ALG6: variants seen among roughly 807,000 people sequenced by gnomAD.
ALG6 encodes dolichyl pyrophosphate Man9GlcNAc2 alpha-1,3-glucosyltransferase.
In ALG6, 46 loss-of-function variants were observed where a neutral mutation model predicts 66.6. The ratio of observed to expected loss-of-function variants is 0.69; its 90% CI spans 0.55 to 0.88. ALG6 has a LOEUF of 0.88. Ranked by LOEUF, ALG6 falls within the 40% of genes least tolerant of loss-of-function variation. The pLI is 0.00. For synonymous variants in ALG6, 185 were observed against 203.7 expected, an observed-to-expected ratio of 0.91 and a Z score of 0.78; for missense variants, 505 against 586.8, an observed-to-expected ratio of 0.86 and a Z score of 1.44.
At chr1:63,379,724 T>C (rs1242628022) in intron 2 of ALG6, among the ~76,000 whole-genome samples, 1 of 150,118 alleles carries the variant, frequency 6.7e-6, no homozygotes, top group African/African-American at 2.4e-5. Context: ...GTAGGATACG[T>C]AATACTATAT....
chr1:63,413,541 C>T, intron 9 of ALG6: 22 of 152,910 alleles, frequency 1.4e-4, no homozygotes, highest in South Asian at 6.2e-4. Flanking sequence ...GATTTCACCA[C>T]CAGGAGAGCT....
chr1:63,389,945 C>G (rs76119395), intron 2 of ALG6, among the ~76,000 whole-genome samples: 2,404 of 152,306 alleles, frequency 0.016, 66 homozygotes, highest in African/African-American at 0.055. Context: ...GAGTCTGTCT[C>G]TCCATGTTGA....
intron 1 of ALG6, among the ~76,000 whole-genome samples, chr1:63,368,347 G>C (rs1647797288): frequency 6.6e-6 from 1 of 152,128 alleles, no homozygotes; most frequent in Non-Finnish European, 1.5e-5. Flanking sequence ...CGTACACACA[G>C]ACGCACACAG....
At chr1:63,426,421 A>T (rs562437163) in intron 12 of ALG6, among the ~76,000 whole-genome samples, 26 of 152,152 alleles carry the variant, frequency 1.7e-4, no homozygotes, top group Non-Finnish European at 3.1e-4. Flanking sequence ...TGGTAAAGGG[A>T]GGGGTTCAGA....
At chr1:63,373,746 G>C (rs1463971160) in intron 2 of ALG6, among the ~76,000 whole-genome samples, 1 of 137,046 alleles carries the variant, frequency 7.3e-6, no homozygotes, top group East Asian at 2.2e-4. Flanking sequence ...CTGCAGCCTT[G>C]ACCTCTTGGG....
At chr1:63,422,438 T>TATATAA (rs1420868454) in intron 12 of ALG6, among the ~76,000 whole-genome samples, 16 of 24,112 alleles carry the variant, frequency 6.6e-4, no homozygotes, top group African/African-American at 2.0e-3. Context: ...TATAAATATA[T>TATATAA]ATATAAATAT....
intron 3 of ALG6, 85 bp downstream of exon 3, chr1:63,396,682 C>T: frequency 8.2e-7 from 1 of 1,212,226 alleles, no homozygotes; most frequent in South Asian, 1.2e-5. Flanking sequence ...ACGCTATTTT[C>T]TTCATCTTGA....
At chr1:63,424,438 C>T (rs1192593977) in intron 12 of ALG6, among the ~76,000 whole-genome samples, 1 of 152,008 alleles carries the variant, frequency 6.6e-6, no homozygotes, top group Admixed American at 6.6e-5. Context: ...TGCGCTTGGC[C>T]GTTTTGCCCA....
intron 2 of ALG6, among the ~76,000 whole-genome samples, chr1:63,396,024 A>C (rs1648815113): frequency 6.6e-6 from 1 of 152,218 alleles, no homozygotes; most frequent in Non-Finnish European, 1.5e-5. Flanking sequence ...GATGATTTAA[A>C]GTATACAAGA....
intron 14 of ALG6, 83 bp from the exon 15 acceptor site, chr1:63,436,740 C>G: frequency 7.5e-7 from 1 of 1,334,908 alleles, no homozygotes. Flanking sequence ...TAATTCTGCT[C>G]ATTTAATAGC....
chr1:63,378,255 T>C (rs1381381493), intron 2 of ALG6, among the ~76,000 whole-genome samples: 3 of 152,188 alleles, frequency 2.0e-5, no homozygotes, highest in Non-Finnish European at 4.4e-5. Flanking sequence ...ATTGTTTTGA[T>C]GGTTGTTTTC....
chr1:63,388,082 A>G (rs1648559798), intron 2 of ALG6, among the ~76,000 whole-genome samples: 1 of 150,606 alleles, frequency 6.6e-6, no homozygotes, highest in Non-Finnish European at 1.5e-5. Flanking sequence ...ATGCCCGGCT[A>G]TTTTTTTTGT....
intron 7 of ALG6, among the ~76,000 whole-genome samples, chr1:63,409,157 C>G (rs1347644306): frequency 6.6e-6 from 1 of 152,146 alleles, no homozygotes; most frequent in Non-Finnish European, 1.5e-5. Context: ...ACTTTGTAAG[C>G]TTAGTTTGAT....
intron 12 of ALG6, among the ~76,000 whole-genome samples, chr1:63,420,340 C>T (rs1644567062): frequency 6.6e-6 from 1 of 152,060 alleles, no homozygotes; most frequent in South Asian, 2.1e-4. Context: ...ATCACTGGTA[C>T]CAGGGGATGA....
intron 2 of ALG6, among the ~76,000 whole-genome samples, chr1:63,380,883 C>T (rs913730795): frequency 6.6e-6 from 1 of 152,146 alleles, no homozygotes; most frequent in Non-Finnish European, 1.5e-5. Flanking sequence ...CTAGGAAAAT[C>T]AACAGAATCA....
chr1:63,368,248 T>C (rs1016750866), intron 1 of ALG6, among the ~76,000 whole-genome samples: 1 of 152,190 alleles, frequency 6.6e-6, no homozygotes, highest in Admixed American at 6.5e-5. Flanking sequence ...TAACCCTTTT[T>C]CTGGTTTAAG....
intron 2 of ALG6, among the ~76,000 whole-genome samples, chr1:63,385,136 T>G (rs1300952141): frequency 6.6e-6 from 1 of 151,246 alleles, no homozygotes; most frequent in Non-Finnish European, 1.5e-5. Flanking sequence ...TTTTTTGAAT[T>G]TCTTTCATCA....
rs183169922 is a variant in ALG6 at position 63,388,076 on chromosome 1, C to T, written c.83-8437C>T. ...TGATTACAGGTGCACGCCACCATGCCCGGCTATTTTTTTTGTATTTTTAGT... is the reference window on the plus strand; with the variant it reads ...TGATTACAGGTGCACGCCACCATGCTCGGCTATTTTTTTTGTATTTTTAGT... On this transcript the variant is annotated intron_variant, in intron 2 of 14. Coordinates refer to ENST00000263440, the MANE Select transcript of ALG6 (RefSeq NM_013339.4). 3.9e-3 allele frequency among the ~76,000 whole-genome samples: 586 copies of T among 152,188 alleles called. 3 individuals are homozygous for T. Among genetic ancestry groups the T allele is most frequent in the African/African-American group, 0.013 (536 of 41,524 alleles).
At chr1:63,432,258 G>GTTTTTTTTTTTTTTTTTT (rs139890401) in intron 14 of ALG6, among the ~76,000 whole-genome samples, 2 of 149,564 alleles carry the variant, frequency 1.3e-5, no homozygotes, top group African/African-American at 4.9e-5. Flanking sequence ...TTGGTCATGT[G>GTTTTTTTTTTTTTTTTTT]TGTTTTTTTT....
Sources: gnomAD v4.1 joint callset for allele counts (sites outside exome capture counted in the v4.1 genomes callset) on GRCh38, gnomAD v4.1.1 for gene constraint, MANE v1.5 for transcripts, NCBI Gene and HGNC (gene_info 2026-07-23, HGNC 2026-07-21) for gene names.